The following ACTN1 variants were observed in gnomAD, a reference collection of about 807,000 sequenced individuals.
ACTN1 encodes actinin alpha 1.
Under a neutral mutation model 119.6 loss-of-function variants are expected in ACTN1, and 30 were observed. The observed-to-expected ratio is 0.25, with a 90% CI of 0.19 to 0.34. The LOEUF (loss-of-function observed/expected upper bound fraction) is 0.34, where lower values mean the gene tolerates loss of function less well. Among genes scored for constraint, ACTN1 ranks in the 10% least tolerant of loss-of-function variants. The probability of loss-of-function intolerance (pLI) is 1.00; values close to 1 mark genes in which losing one functional copy is unlikely to be tolerated. For synonymous variants in ACTN1, 429 were observed against 472.6 expected (o/e 0.91, Z 1.20); for missense variants, 764 against 1,223.4 (o/e 0.62, Z 5.60).
intron 3 of ACTN1, among the ~76,000 whole-genome samples, chr14:68,920,600 C>A (rs2034586961): frequency 6.6e-6 from 1 of 152,206 alleles, no homozygotes; most frequent in Non-Finnish European, 1.5e-5. Flanking sequence ...CTTCCCAGGG[C>A]CCCGGGGAGT....
At chr14:68,969,171 G>A (rs1166201267) in intron 1 of ACTN1, among the ~76,000 whole-genome samples, 1 of 152,142 alleles carries the variant, frequency 6.6e-6, no homozygotes, top group Admixed American at 6.5e-5. Flanking sequence ...GAGAGAAAGA[G>A]GAAAAAGAAG....
Position 68,885,407 on chromosome 14 carries a change from G to T in ACTN1, c.1385+18C>A. The T allele has an allele frequency of 6.2e-7, 1 of 1,604,208 alleles. No homozygotes were observed. The highest frequency in any genetic ancestry group is 8.5e-7 in the Non-Finnish European group (1 of 1,173,870). ...CTCAGCCCCTCACCACAGGGTAGGG[G>T]TGTCTGGGGCCACCTACTTGAGCTC... On this transcript the variant is annotated intron_variant, in intron 12 of 21. Transcript: ENST00000394419. This position sits in a 1 kb window ranked among gnomAD's most constrained non-coding sequence, Gnocchi z 5.6.
In ACTN1 at chr14:68,880,984, G is replaced by A. The variant is rs372031019; in HGVS notation, c.1959C>T (p.Ile653=). ...CATGCATCTCAATGGAGATCCTCCC[G>A]ATCTCCTGCTCACCGGGAAGGAAGC... The part of the protein sequence containing the change: ...GPWIQTKMEE[I]GRISIEMHGT... The change falls in exon 17 of 22, where the codon ATC becomes ATT. Residue 653 remains isoleucine, a synonymous_variant. Transcript: ENST00000394419. This position sits in a 1 kb window ranked among gnomAD's most constrained non-coding sequence, Gnocchi z 4.6. The A allele has an allele frequency of 3.2e-5, 52 of 1,613,852 alleles. No individual in the cohort carries two copies. Among genetic ancestry groups the A allele is most frequent in the South Asian group, 2.4e-4 (22 of 91,086 alleles).
intron 1 of ACTN1, among the ~76,000 whole-genome samples, chr14:68,948,259 C>T (rs2036006164): frequency 6.6e-6 from 1 of 152,206 alleles, no homozygotes; most frequent in Non-Finnish European, 1.5e-5. Context: ...CCCATTTACT[C>T]TTCACAACAA....
chr14:68,936,282 A>G (rs1406302140), intron 1 of ACTN1, among the ~76,000 whole-genome samples: 1 of 152,146 alleles, frequency 6.6e-6, no homozygotes, highest in African/African-American at 2.4e-5. Context: ...GTCTCAAGAC[A>G]GCCAGCTCCT....
intron 1 of ACTN1, among the ~76,000 whole-genome samples, chr14:68,933,572 T>C (rs2035335739): frequency 6.6e-6 from 1 of 152,196 alleles, no homozygotes; most frequent in Non-Finnish European, 1.5e-5. Context: ...CAATGGCAAC[T>C]AGAATACGGC....
Position 68,907,564 on chromosome 14 carries a change from C to CA in ACTN1, c.594+1753dup, listed in dbSNP as rs1173422200. On this transcript the variant is annotated intron_variant, in intron 6 of 21. Transcript: ENST00000394419. ...GGGCAACAATAGTGAAACTCTGTCT[C>CA]AAAAAACAAAACAAAAACAAAAACA... Among the ~76,000 whole-genome samples, 7 of 151,996 alleles carry CA rather than the reference C, an allele frequency of 4.6e-5. No individual in the cohort carries two copies. In the East Asian group the frequency reaches 7.7e-4, roughly 17 times the overall value.
intron 1 of ACTN1, among the ~76,000 whole-genome samples, chr14:68,964,453 G>C (rs1453502093): frequency 6.6e-6 from 1 of 152,160 alleles, no homozygotes; most frequent in East Asian, 1.9e-4. Flanking sequence ...GGAGGGTGGA[G>C]ACTCAGCTCC....
chr14:68,977,969 G>C (rs914735554), intron 1 of ACTN1: 23 of 455,974 alleles, frequency 5.0e-5, no homozygotes, highest in African/African-American at 4.2e-4. Flanking sequence ...AGGAAGCAGC[G>C]GTAGGGTTGA....
intron 1 of ACTN1, among the ~76,000 whole-genome samples, chr14:68,933,408 T>G (rs1446929644): frequency 1.3e-5 from 2 of 152,144 alleles, no homozygotes; most frequent in South Asian, 4.1e-4. Context: ...AGTGCTGGGA[T>G]TACAGGCATG....
chr14:68,931,618 C>T (rs1218296945), intron 1 of ACTN1, among the ~76,000 whole-genome samples: 1 of 152,148 alleles, frequency 6.6e-6, no homozygotes, highest in Non-Finnish European at 1.5e-5. Flanking sequence ...TGACCTTGTG[C>T]ATGTGACTTG....
At chr14:68,930,350 G>GT (rs1206821608) in intron 1 of ACTN1, among the ~76,000 whole-genome samples, 1 of 152,218 alleles carries the variant, frequency 6.6e-6, no homozygotes, top group Admixed American at 6.5e-5. Flanking sequence ...CTGAAATATA[G>GT]TAAGTGTGCA....
Position 68,962,790 on chromosome 14 carries a change from C to T in ACTN1, c.105+16162G>A, listed in dbSNP as rs61684341. The stretch of plus-strand genomic sequence containing the variant: ...CCAGGTCAATCAAATAGTCCTGATA[C>T]AGTTTCTGCCCTTCCGCACCCGCTG... On this transcript the variant is annotated intron_variant, in intron 1 of 21. Coordinates refer to ENST00000394419, the MANE Select transcript of ACTN1 (RefSeq NM_001130004.2). 6.8e-3 allele frequency among the ~76,000 whole-genome samples: 1,039 copies of T among 152,346 alleles called. 13 individuals carry two copies. Among genetic ancestry groups the T allele is most frequent in the African/African-American group, 0.024 (984 of 41,572 alleles).
At chr14:68,960,746 A>AT (rs1566675240) in intron 1 of ACTN1, among the ~76,000 whole-genome samples, 1 of 109,326 alleles carries the variant, frequency 9.1e-6, no homozygotes, top group African/African-American at 3.7e-5. Context: ...ACCTATCTCT[A>AT]TTAAAAAAAA....
intron 1 of ACTN1, among the ~76,000 whole-genome samples, chr14:68,956,654 A>G (rs2036360119): frequency 6.6e-6 from 1 of 152,272 alleles, no homozygotes; most frequent in Non-Finnish European, 1.5e-5. Flanking sequence ...TCTACAAGGA[A>G]GTTGTGGTCA....
intron 1 of ACTN1, among the ~76,000 whole-genome samples, chr14:68,961,910 G>A (rs1436516413): frequency 3.3e-5 from 5 of 152,052 alleles, no homozygotes; most frequent in East Asian, 1.9e-4. Context: ...ACGCCCGACC[G>A]ACAGGCATTC....
chr14:68,955,463 G>A (rs1388447041), intron 1 of ACTN1, among the ~76,000 whole-genome samples: 1 of 152,222 alleles, frequency 6.6e-6, no homozygotes, highest in African/African-American at 2.4e-5. Flanking sequence ...ACAGTCCACA[G>A]TCAGAATTTG....
intron 16 of ACTN1, chr14:68,881,270 C>G (rs2031482981): frequency 1.9e-5 from 7 of 369,520 alleles, no homozygotes; most frequent in Middle Eastern, 7.7e-4. Context: ...GATGCAGGGT[C>G]AGTTCTAACC....
intron 2 of ACTN1, 46 bp from the exon 3 acceptor site, chr14:68,921,171 C>G (rs779260411): frequency 1.2e-6 from 2 of 1,606,760 alleles, no homozygotes; most frequent in Admixed American, 3.4e-5. Flanking sequence ...ACGCTATGAG[C>G]CAGGGGCCAG....
Sources: gnomAD v4.1 joint callset for allele counts (sites outside exome capture counted in the v4.1 genomes callset) on GRCh38, gnomAD v4.1.1 for gene constraint, Gnocchi (gnomAD v3.1) non-coding constraint, MANE v1.5 for transcripts, NCBI Gene and HGNC (gene_info 2026-07-23, HGNC 2026-07-21) for gene names.